UHMK1: variants seen among roughly 807,000 people sequenced by gnomAD.
UHMK1 encodes the protein serine/threonine-protein kinase Kist.
In UHMK1, 18 loss-of-function variants were observed where a neutral mutation model predicts 44.0. The ratio of observed to expected loss-of-function variants is 0.41; its 90% confidence interval spans 0.28 to 0.61. The LOEUF is 0.61. Ranked by LOEUF, UHMK1 falls within the 20% of genes least tolerant of loss-of-function variation. UHMK1 has a pLI of 0.31. For synonymous variants in UHMK1, 231 were observed against 198.5 expected, an observed-to-expected ratio of 1.16 and a Z score of -1.38; for missense variants, 463 against 522.5, an observed-to-expected ratio of 0.89 and a Z score of 1.11.
chr1:162,498,556 G>A (rs1190803174), intron 1 of UHMK1, among the ~76,000 whole-genome samples: 3 of 152,234 alleles, frequency 2.0e-5, no homozygotes, highest in South Asian at 4.1e-4. Flanking sequence ...ATCTTTTCTA[G>A]TGAGAGGAGG....
Position 162,528,925 on chromosome 1 carries a change from G to C in UHMK1, c.*6375G>C, listed in dbSNP as rs1652346719. ...CTAAGTATGATCAATAAATTTTAAT[G>C]GTTGATGGCATCCTGTGTCAGCTGG... On this transcript the variant is annotated 3_prime_UTR_variant, in exon 8 of 8. Transcript: ENST00000489294. 1 of 152,046 alleles carries C rather than the reference G, an allele frequency of 6.6e-6. No individual in the cohort carries two copies. The highest frequency in any genetic ancestry group is 1.5e-5 in the Non-Finnish European group (1 of 67,966). The allele number at this position is 152,046 out of a possible 1,614,324, so 9.4% of individuals were successfully genotyped here. A position where few individuals can be genotyped will look rare whatever the true frequency, so the allele number is the denominator to read the frequency against.
intron 7 of UHMK1, among the ~76,000 whole-genome samples, chr1:162,520,235 CA>C (rs2101685479): frequency 6.6e-6 from 1 of 152,262 alleles, no homozygotes; most frequent in African/African-American, 2.4e-5. Flanking sequence ...ACATTCCTGA[CA>C]ACTGAAAAAA....
chr1:162,517,125 C>T (rs542869280), intron 6 of UHMK1, among the ~76,000 whole-genome samples: 3 of 152,164 alleles, frequency 2.0e-5, no homozygotes, highest in East Asian at 1.9e-4. Context: ...GTGGTGAAAC[C>T]CTGTCTCTAC....
intron 4 of UHMK1, among the ~76,000 whole-genome samples, chr1:162,508,905 A>G (rs1232330592): frequency 6.6e-6 from 1 of 151,768 alleles, no homozygotes; most frequent in African/African-American, 2.4e-5. Flanking sequence ...CAATCCTCCC[A>G]CCTTAGCCTC....
In UHMK1 at chr1:162,498,058, G is replaced by A; in HGVS notation, c.58G>A (p.Gly20Arg). The A allele has an allele frequency of 1.2e-6, 2 of 1,604,926 alleles. No homozygotes were observed. The highest frequency in any genetic ancestry group is 1.7e-6 in the Non-Finnish European group (2 of 1,174,892). The change falls in exon 1 of 8, where the codon GGG (glycine) becomes AGG (arginine). Residue 20 changes from glycine (G) to arginine (R), a missense_variant. Coordinates refer to ENST00000489294, the MANE Select transcript of UHMK1 (RefSeq NM_175866.5). ...GCCGCCGCGTTTTCTGGAGGCCTTC[G>A]GGCGGCTGTGGCAGGTACAGAGCCG... is the stretch of plus-strand genomic sequence containing the variant. ...AEPPRFLEAF[G>R]RLWQVQSRLG...
chr1:162,503,604 C>T (rs1651356286), intron 3 of UHMK1, 150 bp from the exon 4 acceptor site: 1 of 549,582 alleles, frequency 1.8e-6, no homozygotes, highest in Admixed American at 3.6e-5. Context: ...GAGCAAGACC[C>T]TGTCTCCAAA....
chr1:162,497,848 C>T lies in UHMK1; in HGVS notation c.-153C>T. The T allele has an allele frequency of 7.3e-7, 1 of 1,369,770 alleles. No homozygotes were observed. The highest frequency in any genetic ancestry group is 9.4e-7 in the Non-Finnish European group (1 of 1,066,774). The allele number at this position is 1,369,770 out of a possible 1,614,324, so 84.9% of individuals were successfully genotyped here. The stretch of plus-strand genomic sequence containing the variant: ...TCGGGTGCACCACGGCTTCCGGTGT[C>T]ATGGCTGCTTGAAGTCCCGGGAGTC... On this transcript the variant is annotated 5_prime_UTR_variant, in exon 1 of 8. Coordinates refer to ENST00000489294, the MANE Select transcript of UHMK1 (RefSeq NM_175866.5).
intron 4 of UHMK1, among the ~76,000 whole-genome samples, chr1:162,505,737 A>C (rs1246960777): frequency 6.6e-6 from 1 of 152,232 alleles, no homozygotes; most frequent in East Asian, 1.9e-4. Context: ...ACTGGAAGTG[A>C]ATAAAATAAT....
At chr1:162,497,772 C>A (rs1226240632), upstream of UHMK1, 9 of 1,310,842 alleles carry the variant, frequency 6.9e-6, no homozygotes, top group East Asian at 2.5e-4. Context: ...CTGAGCCCCC[C>A]CTCCTTCGGC....
chr1:162,497,771 C>G (rs970438687), upstream of UHMK1: 13 of 1,310,082 alleles, frequency 9.9e-6, 1 homozygote, highest in East Asian at 1.2e-4. Context: ...TCTGAGCCCC[C>G]CCTCCTTCGG....
chr1:162,528,567 A>G lies in UHMK1; in HGVS notation c.*6017A>G, dbSNP rs940356314. 1 of 152,092 alleles carries G rather than the reference A, an allele frequency of 6.6e-6. No individual in the cohort carries two copies. Among genetic ancestry groups the G allele is most frequent in the African/African-American group, 2.4e-5 (1 of 41,456 alleles). 9.4% of individuals were successfully genotyped at this position (152,092 alleles called of 1,614,324 possible). On this transcript the variant is annotated 3_prime_UTR_variant, in exon 8 of 8. Coordinates refer to ENST00000489294, the MANE Select transcript of UHMK1 (RefSeq NM_175866.5). ...AGGATCAGAAAACTGGAGGTTAGCC[A>G]TCTCCATTATTTCCTTTTGCACATT...
chr1:162,520,403 C>T (rs560004564), intron 7 of UHMK1, among the ~76,000 whole-genome samples: 1 of 152,180 alleles, frequency 6.6e-6, no homozygotes, highest in African/African-American at 2.4e-5. Flanking sequence ...ATTTATTGAG[C>T]ATTTATTATG....
At chr1:162,505,517 G>C (rs1232831112) in intron 4 of UHMK1, among the ~76,000 whole-genome samples, 2 of 152,170 alleles carry the variant, frequency 1.3e-5, no homozygotes, top group African/African-American at 4.8e-5. Context: ...CGCAACACCT[G>C]CATTACCTGC....
chr1:162,510,498 TTATTA>T (rs1651628343), intron 4 of UHMK1, among the ~76,000 whole-genome samples: 1 of 152,220 alleles, frequency 6.6e-6, no homozygotes, highest in Non-Finnish European at 1.5e-5. Context: ...TGGACCTGGC[TTATTA>T]TAACACTTAA....
intron 6 of UHMK1, among the ~76,000 whole-genome samples, chr1:162,516,946 A>T (rs1651855266): frequency 6.6e-6 from 1 of 152,224 alleles, no homozygotes; most frequent in African/African-American, 2.4e-5. Context: ...AATTGGAAAA[A>T]TTATAAATTT....
Position 162,503,710 on chromosome 1 carries a change from T to C in UHMK1, c.754-44T>C, listed in dbSNP as rs41271973. 6.9e-3 allele frequency: 10,175 copies of C among 1,480,098 alleles called. 51 individuals carry two copies. The highest frequency in any genetic ancestry group is 8.0e-3 in the Non-Finnish European group (8,502 of 1,061,886). The allele number at this position is 1,480,098 out of a possible 1,614,324, so 91.7% of individuals were successfully genotyped here. ...TGCTATATGCCTAGTATTCAATAAA[T>C]ACAGACTGAATAACCAAAGGAAAAC... On this transcript the variant is annotated intron_variant, in intron 3 of 7. Coordinates refer to ENST00000489294, the MANE Select transcript of UHMK1 (RefSeq NM_175866.5).
At position 162,518,199 on chromosome 1, in the gene UHMK1, A is replaced by G. The variant is rs1304773947; in HGVS notation, c.1113+9A>G. ...ATCCTGGCAGAGGACAAGTAAGTGA[A>G]TATTTTCATAATTGCAGATTACTCA... On this transcript the variant is annotated intron_variant, in intron 7 of 7. Transcript: ENST00000489294. 27 of 1,572,970 alleles carry G rather than the reference A, an allele frequency of 1.7e-5. No homozygotes were observed. Among genetic ancestry groups the G allele is most frequent in the Non-Finnish European group, 2.4e-5 (27 of 1,143,074 alleles).
At chr1:162,516,231 C>T (rs1025410005) in intron 6 of UHMK1, among the ~76,000 whole-genome samples, 6 of 152,102 alleles carry the variant, frequency 3.9e-5, no homozygotes, top group Admixed American at 2.0e-4. Flanking sequence ...GCAGACAATA[C>T]GGTACCATTA....
rs552054962 is a variant in UHMK1 at position 162,520,564 on chromosome 1, A to G, written c.1114-1840A>G. Among the ~76,000 whole-genome samples, 11 of 152,286 alleles carry G rather than the reference A, an allele frequency of 7.2e-5. No homozygotes were observed. The South Asian group carries it at 2.3e-3, about 32-fold the overall frequency. On this transcript the variant is annotated intron_variant, in intron 7 of 7. Coordinates refer to ENST00000489294, the MANE Select transcript of UHMK1 (RefSeq NM_175866.5). Reference sequence around the variant, plus strand: ...TTTAAATGGGTTAGTAGGGAAGGACATCTGAGAAGGTCATATGAATCAAGA... The same window carrying G: ...TTTAAATGGGTTAGTAGGGAAGGACGTCTGAGAAGGTCATATGAATCAAGA...
Sources: gnomAD v4.1 joint callset for allele counts (sites outside exome capture counted in the v4.1 genomes callset) on GRCh38, gnomAD v4.1.1 for gene constraint, MANE v1.5 for transcripts, NCBI Gene and HGNC (gene_info 2026-07-23, HGNC 2026-07-21) for gene names.